CYFIP2: variants seen among roughly 807,000 people sequenced by gnomAD.
The protein encoded by CYFIP2 is cytoplasmic FMR1-interacting protein 2.
Under a neutral mutation model 158.7 loss-of-function variants are expected in CYFIP2, and 29 were observed. The observed-to-expected ratio is 0.18, with a 90% confidence interval of 0.14 to 0.25. The LOEUF (loss-of-function observed/expected upper bound fraction) is 0.25. CYFIP2 is among the 10% of genes least tolerant of loss of function. The pLI, the probability that CYFIP2 is intolerant of heterozygous loss-of-function variation, is 1.00. For synonymous variants in CYFIP2, 585 were observed against 617.6 expected (o/e 0.95, Z 0.78); for missense variants, 852 against 1,639.5 (o/e 0.52, Z 8.29).
intron 5 of CYFIP2, among the ~76,000 whole-genome samples, chr5:157,298,946 C>G (rs904459011): frequency 6.6e-6 from 1 of 152,010 alleles, no homozygotes; most frequent in Non-Finnish European, 1.5e-5. Context: ...ATGGATATAC[C>G]GTATTTTATT....
chr5:157,343,386 C>T (rs912062768), intron 23 of CYFIP2: 49 of 1,614,028 alleles, frequency 3.0e-5, no homozygotes, highest in Non-Finnish European at 3.6e-5. Context: ...ACCTTCTCCT[C>T]GTGGTGGAAG....
At chr5:157,348,893 T>G (rs1277187675) in intron 23 of CYFIP2, among the ~76,000 whole-genome samples, 1 of 149,480 alleles carries the variant, frequency 6.7e-6, no homozygotes, top group Non-Finnish European at 1.5e-5. Context: ...GCCATTGCAG[T>G]GAACCAAGAT....
intron 23 of CYFIP2, chr5:157,343,532 T>A: frequency 6.5e-7 from 1 of 1,547,678 alleles, no homozygotes; most frequent in Non-Finnish European, 8.7e-7. Context: ...CACCTCGATG[T>A]TCATCCCGAT....
chr5:157,297,077 TA>T (rs753254781), intron 5 of CYFIP2, among the ~76,000 whole-genome samples: 63 of 152,310 alleles, frequency 4.1e-4, no homozygotes, highest in Non-Finnish European at 8.2e-4. Flanking sequence ...TTCTGGGTTA[TA>T]GAGTGCCTGT....
rs917591188 is a variant in CYFIP2, at chr5:157,282,561, G to T, written c.-23-2778G>T. 6.6e-5 allele frequency among the ~76,000 whole-genome samples: 10 copies of T among 152,206 alleles called. 1 individual carries two copies. Among genetic ancestry groups the T allele is most frequent in the Non-Finnish European group, 1.5e-4 (10 of 68,032 alleles). The stretch of plus-strand genomic sequence containing the variant: ...ATCACAAGTAGTCCTGCTGTGAATG[G>T]CCTTGTGCATATATCTTTGTGTATT... On this transcript the variant is annotated intron_variant, in intron 1 of 30. Coordinates refer to ENST00000620254, the MANE Select transcript of CYFIP2 (RefSeq NM_001037333.3).
At chr5:157,316,781 A>G (rs1361276619) in intron 13 of CYFIP2, among the ~76,000 whole-genome samples, 2 of 152,200 alleles carry the variant, frequency 1.3e-5, no homozygotes, top group African/African-American at 4.8e-5. Context: ...ATAATTGTCA[A>G]GTAAGATAAT....
At chr5:157,355,323 G>C (rs991025912) in intron 23 of CYFIP2, among the ~76,000 whole-genome samples, 2 of 152,168 alleles carry the variant, frequency 1.3e-5, no homozygotes, top group Non-Finnish European at 2.9e-5. Flanking sequence ...AATTCGACCA[G>C]AAAGCTGTGT....
chr5:157,386,457 G>C (rs1766699986), intron 28 of CYFIP2, among the ~76,000 whole-genome samples: 1 of 152,084 alleles, frequency 6.6e-6, no homozygotes, highest in Non-Finnish European at 1.5e-5. Flanking sequence ...ATTCATGAGG[G>C]TACAAGGAAC....
At chr5:157,376,917 G>A (rs199795110) in intron 26 of CYFIP2, 12 of 455,950 alleles carry the variant, frequency 2.6e-5, no homozygotes, top group Non-Finnish European at 4.4e-5. Context: ...AATTTACCTT[G>A]CCTGAATCTG....
At chr5:157,297,420 G>A (rs999482876) in intron 5 of CYFIP2, among the ~76,000 whole-genome samples, 1 of 152,190 alleles carries the variant, frequency 6.6e-6, no homozygotes, top group African/African-American at 2.4e-5. Context: ...CTGACACCTT[G>A]GGATTTTTCA....
chr5:157,347,733 TAACCAAGAGAAA>T (rs976808232), intron 23 of CYFIP2, among the ~76,000 whole-genome samples: 4 of 152,248 alleles, frequency 2.6e-5, no homozygotes, highest in Non-Finnish European at 4.4e-5. Flanking sequence ...ATGACATTTT[TAACCAAGAGAAA>T]TTTTCCACTG....
chr5:157,323,869 C>G, intron 15 of CYFIP2, 52 bp from the exon 16 acceptor site: 1 of 1,455,870 alleles, frequency 6.9e-7, no homozygotes, highest in South Asian at 1.4e-5. Context: ...AACCTTTTTC[C>G]CCGGGGTAGA....
intron 5 of CYFIP2, among the ~76,000 whole-genome samples, chr5:157,297,419 T>C (rs1316136682): frequency 6.6e-6 from 1 of 152,222 alleles, no homozygotes; most frequent in East Asian, 1.9e-4. Context: ...TCTGACACCT[T>C]GGGATTTTTC....
Position 157,333,377 on chromosome 5 carries a change from T to G in CYFIP2, c.2316T>G (p.Ser772=). ...ACAGACTCATTACCCAGCGCATCTC[T>G]GCCGCCATGTATAAATCCTTGGACC... The part of the protein sequence containing the change: ...DLNRLITQRI[S]AAMYKSLDQA... Residue 772 remains serine (S), a synonymous_variant, in exon 21 of 31, where the codon TCT becomes TCG. Transcript: ENST00000620254. 1.2e-6 allele frequency: 2 copies of G among 1,614,018 alleles called. No homozygotes were observed. The highest frequency in any genetic ancestry group is 4.5e-5 in the East Asian group (2 of 44,882).
intron 3 of CYFIP2, among the ~76,000 whole-genome samples, chr5:157,287,378 A>T (rs748285949): frequency 6.6e-6 from 1 of 152,230 alleles, no homozygotes; most frequent in African/African-American, 2.4e-5. Flanking sequence ...TTGAGCTCCT[A>T]TAGCTTTTTG....
intron 1 of CYFIP2, among the ~76,000 whole-genome samples, chr5:157,283,335 G>A (rs1236161250): frequency 3.3e-5 from 5 of 152,192 alleles, no homozygotes; most frequent in African/African-American, 1.2e-4. Flanking sequence ...TTAATGAAGA[G>A]AATTACTAGG....
At chr5:157,314,323 A>G (rs371883017) in intron 11 of CYFIP2, 21 bp from the exon 12 acceptor site, 1 of 1,611,954 alleles carries the variant, frequency 6.2e-7, no homozygotes, top group Non-Finnish European at 8.5e-7. Context: ...GACCATGAGT[A>G]TGACACCTGA....
intron 23 of CYFIP2, among the ~76,000 whole-genome samples, chr5:157,354,983 C>A (rs974965554): frequency 7.2e-5 from 11 of 152,058 alleles, no homozygotes; most frequent in Non-Finnish European, 1.6e-4. Context: ...AGGAAGAATG[C>A]GTTTCAGCTT....
intron 26 of CYFIP2, among the ~76,000 whole-genome samples, chr5:157,371,273 C>A (rs1236007599): frequency 2.0e-5 from 3 of 152,198 alleles, no homozygotes; most frequent in Admixed American, 2.0e-4. Flanking sequence ...AGCTCCCCGT[C>A]CCCCTCCTGC....
Sources: gnomAD v4.1 joint callset for allele counts (sites outside exome capture counted in the v4.1 genomes callset) on GRCh38, gnomAD v4.1.1 for gene constraint, MANE v1.5 for transcripts, NCBI Gene and HGNC (gene_info 2026-07-23, HGNC 2026-07-21) for gene names.